PLCXD3: variants seen among roughly 807,000 people sequenced by gnomAD.
PLCXD3 encodes PI-PLC X domain-containing protein 3.
In PLCXD3, 19 loss-of-function variants were observed where a neutral mutation model predicts 25.5. The ratio of observed to expected loss-of-function variants is 0.75; its 90% CI spans 0.52 to 1.09. PLCXD3 has a LOEUF of 1.09. Ranked by LOEUF, PLCXD3 falls within the 50% of genes least tolerant of loss-of-function variation. The pLI is 0.00. For missense variants in PLCXD3, 411 were observed against 388.1 expected (o/e 1.06, Z -0.50); for synonymous variants, 174 against 137.6 (o/e 1.26, Z -1.85).
intron 1 of PLCXD3, among the ~76,000 whole-genome samples, chr5:41,475,156 A>C (rs1264431771): frequency 6.6e-6 from 1 of 152,192 alleles, no homozygotes; most frequent in Non-Finnish European, 1.5e-5. Context: ...AGAGAAAAGA[A>C]ATAACAAAAT....
intron 2 of PLCXD3, among the ~76,000 whole-genome samples, chr5:41,377,528 T>C (rs375703283): frequency 6.6e-6 from 1 of 152,068 alleles, no homozygotes; most frequent in East Asian, 1.9e-4. Context: ...GCACACCTTC[T>C]TTTTAAGAAT....
intron 1 of PLCXD3, among the ~76,000 whole-genome samples, chr5:41,421,531 C>G (rs1012667885): frequency 6.6e-6 from 1 of 152,032 alleles, no homozygotes; most frequent in African/African-American, 2.4e-5. Flanking sequence ...GAAACCCCGT[C>G]TCTACTAAAA....
At chr5:41,458,655 T>C (rs747877253) in intron 1 of PLCXD3, among the ~76,000 whole-genome samples, 1 of 151,960 alleles carries the variant, frequency 6.6e-6, no homozygotes, top group Non-Finnish European at 1.5e-5. Context: ...ACACTAATGC[T>C]AAAATCCCAT....
chr5:41,383,040 A>G (rs1745521326), intron 1 of PLCXD3, among the ~76,000 whole-genome samples: 1 of 152,088 alleles, frequency 6.6e-6, no homozygotes, highest in Admixed American at 6.6e-5. Flanking sequence ...AAGGCACAAG[A>G]GGTCAAAGTG....
intron 2 of PLCXD3, among the ~76,000 whole-genome samples, chr5:41,341,086 T>C (rs1324795688): frequency 2.0e-5 from 3 of 152,294 alleles, no homozygotes; most frequent in South Asian, 2.1e-4. Flanking sequence ...AAGTTTATAA[T>C]GTTGATTTAT....
intron 1 of PLCXD3, among the ~76,000 whole-genome samples, chr5:41,454,546 A>T (rs569469427): frequency 6.6e-6 from 1 of 152,080 alleles, no homozygotes; most frequent in South Asian, 2.1e-4. Flanking sequence ...CCACCTTCTA[A>T]TACTTTCACC....
chr5:41,444,853 T>G (rs1488181384), intron 1 of PLCXD3, among the ~76,000 whole-genome samples: 2 of 152,220 alleles, frequency 1.3e-5, no homozygotes, highest in Admixed American at 6.5e-5. Flanking sequence ...TAGTAAGTTC[T>G]GTATAATAGT....
intron 2 of PLCXD3, among the ~76,000 whole-genome samples, chr5:41,334,247 A>T (rs1413721416): frequency 6.6e-6 from 1 of 150,996 alleles, no homozygotes; most frequent in Non-Finnish European, 1.5e-5. Flanking sequence ...AAGATTAGCA[A>T]TGATAATACT....
intron 1 of PLCXD3, among the ~76,000 whole-genome samples, chr5:41,407,865 C>G (rs1746397261): frequency 6.6e-6 from 1 of 152,226 alleles, no homozygotes; most frequent in African/African-American, 2.4e-5. Flanking sequence ...TTGTGTAAAG[C>G]CTCCTCCTCA....
chr5:41,509,764 C>G (rs1434113389), intron 1 of PLCXD3, among the ~76,000 whole-genome samples: 1 of 152,228 alleles, frequency 6.6e-6, no homozygotes, highest in Admixed American at 6.5e-5. Context: ...GGACCAGACT[C>G]GAGACAGCGG....
In PLCXD3 at chr5:41,374,336, G is replaced by C. The variant is rs1460954; in HGVS notation, c.812+7490C>G. On this transcript the variant is annotated intron_variant, in intron 2 of 2. Coordinates refer to ENST00000377801, the MANE Select transcript of PLCXD3 (RefSeq NM_001005473.3). ...GAGCATTCCAGTTTGCCAAGTCCTA[G>C]GCTGGGAAAGGGTTGCTTTCTGGAG... 4.6e-3 allele frequency among the ~76,000 whole-genome samples: 693 copies of C among 152,194 alleles called. 1 individual carries two copies. Among genetic ancestry groups the C allele is most frequent in the Non-Finnish European group, 7.6e-3 (518 of 67,996 alleles).
At chr5:41,405,434 C>G (rs1004839005) in intron 1 of PLCXD3, among the ~76,000 whole-genome samples, 1 of 152,118 alleles carries the variant, frequency 6.6e-6, no homozygotes, top group East Asian at 1.9e-4. Context: ...ACCCCTCCTC[C>G]TATCAAGTAA....
intron 1 of PLCXD3, among the ~76,000 whole-genome samples, chr5:41,469,102 T>C (rs1748092383): frequency 6.6e-6 from 1 of 152,218 alleles, no homozygotes; most frequent in African/African-American, 2.4e-5. Flanking sequence ...TTAAATTTTA[T>C]CAAATGTTTT....
chr5:41,492,190 A>G (rs370659151), intron 1 of PLCXD3, among the ~76,000 whole-genome samples: 1 of 152,190 alleles, frequency 6.6e-6, no homozygotes, highest in East Asian at 1.9e-4. Context: ...TCCTTCACTT[A>G]TGAAGCTTAG....
chr5:41,320,496 T>G (rs1258171459), intron 2 of PLCXD3, among the ~76,000 whole-genome samples: 1 of 152,190 alleles, frequency 6.6e-6, no homozygotes, highest in Non-Finnish European at 1.5e-5. Context: ...GTTTTGGTTT[T>G]TTAATTTTTT....
At chr5:41,372,905 A>T (rs911330701) in intron 2 of PLCXD3, among the ~76,000 whole-genome samples, 4 of 152,054 alleles carry the variant, frequency 2.6e-5, no homozygotes, top group Admixed American at 1.3e-4. Context: ...TCAGCCAGGC[A>T]TGGTGGCATA....
intron 1 of PLCXD3, among the ~76,000 whole-genome samples, chr5:41,401,345 A>G (rs1374550652): frequency 1.3e-5 from 2 of 152,088 alleles, no homozygotes; most frequent in South Asian, 2.1e-4. Flanking sequence ...TGGCATTTAT[A>G]TCTGGGTCCA....
Position 41,382,254 on chromosome 5 carries a change from G to C in PLCXD3, c.384C>G (p.Ile128Met), listed in dbSNP as rs777525584. 7 of 1,613,574 alleles carry C rather than the reference G, an allele frequency of 4.3e-6. No homozygotes were observed. The Admixed American group carries it at 1.2e-4, about 27-fold the overall frequency. The stretch of plus-strand genomic sequence containing the variant: ...TATGGTGATCTGTGAGGAATGCATT[G>C]ATCTCCTCAAGGCCTTCATTGACTT... Reference protein sequence around the residue: ...SAKVNEGLEEINAFLTDHHKE... With the variant: ...SAKVNEGLEEMNAFLTDHHKE... The change falls in exon 2 of 3, where the codon ATC (isoleucine) becomes ATG (methionine). Residue 128 changes from isoleucine to methionine, a missense_variant. Physicochemically the swap from Ile to Met is conservative, Grantham distance 10. Coordinates refer to ENST00000377801, the MANE Select transcript of PLCXD3 (RefSeq NM_001005473.3).
chr5:41,367,582 C>A (rs891724972), intron 2 of PLCXD3, among the ~76,000 whole-genome samples: 1 of 152,046 alleles, frequency 6.6e-6, no homozygotes, highest in Non-Finnish European at 1.5e-5. Flanking sequence ...TTCTCCCATT[C>A]TAGAGGTTGC....
Sources: allele counts gnomAD v4.1 joint callset (sites outside exome capture counted in the v4.1 genomes callset), GRCh38; gene constraint gnomAD v4.1.1; transcripts MANE v1.5; gene names NCBI Gene and HGNC (gene_info 2026-07-23, HGNC 2026-07-21).